Variants in RANBP2 observed in about 807,000 individuals in gnomAD.
RANBP2 encodes the protein RAN binding protein 2.
A neutral mutation model predicts 303.6 loss-of-function variants in RANBP2; 57 were observed. The observed-to-expected ratio is 0.19, with a 90% confidence interval of 0.15 to 0.23. RANBP2 has a LOEUF of 0.23. Ranked by LOEUF, RANBP2 falls within the 10% of genes least tolerant of loss-of-function variation. The pLI, the probability that RANBP2 is intolerant of heterozygous loss-of-function variation, is 1.00. For synonymous variants in RANBP2, 1,167 were observed against 1,301.5 expected (o/e 0.90, Z 2.23); for missense variants, 3,138 against 3,780.8 (o/e 0.83, Z 4.46).
the RANBP2 span, chr2:108,857,038 G>T: frequency 3.3e-6 from 1 of 301,000 alleles, no homozygotes; most frequent in Non-Finnish European, 6.3e-6. Flanking sequence ...TTGTCTGCAT[G>T]TATAACTCCA....
the RANBP2 span, among the ~76,000 whole-genome samples, chr2:109,126,572 G>GA: frequency 2.6e-5 from 4 of 152,302 alleles, no homozygotes; most frequent in African/African-American, 9.6e-5. Flanking sequence ...AGGAGTGGCT[G>GA]ATGTTGTTGG....
the RANBP2 span, among the ~76,000 whole-genome samples, chr2:109,231,120 C>T: frequency 6.6e-6 from 1 of 152,244 alleles, no homozygotes; most frequent in Non-Finnish European, 1.5e-5. Context: ...AGGTGGCTTG[C>T]CTAGCATGGA....
the RANBP2 span, among the ~76,000 whole-genome samples, chr2:109,679,070 C>T: frequency 4.6e-5 from 7 of 152,338 alleles, no homozygotes; most frequent in South Asian, 2.1e-4. Flanking sequence ...GTGTTTCCTC[C>T]GGAAGGCACA....
chr2:108,733,611 A>T (rs2439155), intron 4 of RANBP2, among the ~76,000 whole-genome samples: 1 of 152,158 alleles, frequency 6.6e-6, no homozygotes. Flanking sequence ...TTAAATATTA[A>T]TCTAAAACGT....
At chr2:109,638,579 A>G in the RANBP2 span, among the ~76,000 whole-genome samples, 1 of 152,204 alleles carries the variant, frequency 6.6e-6, no homozygotes, top group African/African-American at 2.4e-5. Flanking sequence ...TAGCTTAAAA[A>G]TCAGTTAGAT....
chr2:108,827,193 A>C, the RANBP2 span, among the ~76,000 whole-genome samples: 24 of 152,316 alleles, frequency 1.6e-4, no homozygotes, highest in Admixed American at 9.2e-4. Flanking sequence ...TATTTTCATC[A>C]CTTTAAAATA....
chr2:109,462,367 A>G, the RANBP2 span, among the ~76,000 whole-genome samples: 2 of 152,188 alleles, frequency 1.3e-5, no homozygotes, highest in East Asian at 1.9e-4. Flanking sequence ...ATCAGATACC[A>G]AGAGGTGTGG....
At chr2:108,732,639 A>C (rs75353515) in intron 4 of RANBP2, among the ~76,000 whole-genome samples, 2,032 of 152,256 alleles carry the variant, frequency 0.013, 46 homozygotes, top group African/African-American at 0.046. Flanking sequence ...CCACCACTGC[A>C]GTCAAGATAC....
At chr2:108,809,887 C>A in the RANBP2 span, among the ~76,000 whole-genome samples, 2 of 152,180 alleles carry the variant, frequency 1.3e-5, no homozygotes, top group Non-Finnish European at 2.9e-5. Flanking sequence ...CTCACTGCAA[C>A]CTCCACCTCC....
the RANBP2 span, chr2:108,846,641 C>A: frequency 9.7e-7 from 1 of 1,028,020 alleles, no homozygotes; most frequent in Non-Finnish European, 1.4e-6. Context: ...TGCGCTACTG[C>A]ATTCCAACCT....
chr2:109,458,086 C>A, the RANBP2 span, among the ~76,000 whole-genome samples: 1 of 152,164 alleles, frequency 6.6e-6, no homozygotes, highest in African/African-American at 2.4e-5. Context: ...TCTGTAACCT[C>A]AAGGGAATAA....
chr2:109,230,693 G>A, the RANBP2 span, among the ~76,000 whole-genome samples: 10 of 152,254 alleles, frequency 6.6e-5, no homozygotes, highest in Admixed American at 6.5e-4. Flanking sequence ...CGTAAGTCGG[G>A]GATCATCAGC....
chr2:108,793,186 T>C, the RANBP2 span, among the ~76,000 whole-genome samples: 8 of 143,732 alleles, frequency 5.6e-5, no homozygotes, highest in African/African-American at 2.1e-4. Flanking sequence ...TGAAACCCTG[T>C]CTCTACTAAA....
chr2:108,804,776 T>G, the RANBP2 span: 3 of 1,020,502 alleles, frequency 2.9e-6, no homozygotes, highest in Non-Finnish European at 4.0e-6. Flanking sequence ...ATACACTGAT[T>G]AAAGTTTTTG....
the RANBP2 span, among the ~76,000 whole-genome samples, chr2:109,078,314 T>C: frequency 7.3e-6 from 1 of 136,096 alleles, no homozygotes; most frequent in Non-Finnish European, 1.6e-5. Context: ...TGTATATATA[T>C]ATGCAGTGGA....
the RANBP2 span, among the ~76,000 whole-genome samples, chr2:109,126,866 C>T: frequency 6.6e-6 from 1 of 152,260 alleles, no homozygotes; most frequent in Non-Finnish European, 1.5e-5. Context: ...GCCGTCCTTG[C>T]TCTCTGTGAG....
the RANBP2 span, among the ~76,000 whole-genome samples, chr2:109,733,313 C>A: frequency 6.6e-6 from 1 of 151,408 alleles, no homozygotes; most frequent in South Asian, 2.1e-4. Context: ...ATTATTTGAA[C>A]AAAAGAAAAA....
chr2:109,544,970 G>C, the RANBP2 span: 1 of 985,150 alleles, frequency 1.0e-6, no homozygotes, highest in African/African-American at 1.7e-5. Flanking sequence ...AAATATATAA[G>C]CCAATAAAAT....
At chr2:109,670,751 G>A in the RANBP2 span, among the ~76,000 whole-genome samples, 1 of 152,208 alleles carries the variant, frequency 6.6e-6, no homozygotes, top group East Asian at 1.9e-4. Flanking sequence ...CTGTGTTGCA[G>A]AGACAGCCTG....
Sources: allele counts gnomAD v4.1 joint callset (sites outside exome capture counted in the v4.1 genomes callset), GRCh38; gene constraint gnomAD v4.1.1; transcripts MANE v1.5; gene names NCBI Gene and HGNC (gene_info 2026-07-23, HGNC 2026-07-21).